PAM: variants seen among roughly 807,000 people sequenced by gnomAD.
PAM encodes the protein peptidyl-glycine alpha-amidating monooxygenase.
In PAM, 72 loss-of-function variants were observed where a neutral mutation model predicts 122.1. The observed-to-expected ratio is 0.59, with a 90% CI of 0.49 to 0.72. The LOEUF is 0.72. Ranked by LOEUF, PAM falls within the 30% of genes least tolerant of loss-of-function variation. The probability of loss-of-function intolerance (pLI) is 0.00; values close to 1 mark genes in which losing one functional copy is unlikely to be tolerated. For missense variants in PAM, 1,106 were observed against 1,183.7 expected, an observed-to-expected ratio of 0.93 and a Z score of 0.96; for synonymous variants, 389 against 404.4, an observed-to-expected ratio of 0.96 and a Z score of 0.46.
At chr5:102,875,919 T>G (rs1789032688) in intron 3 of PAM, among the ~76,000 whole-genome samples, 1 of 152,258 alleles carries the variant, frequency 6.6e-6, no homozygotes, top group Non-Finnish European at 1.5e-5. Flanking sequence ...TGGCATCTCA[T>G]GAACAATGTC....
In PAM at chr5:102,779,918, T is replaced by TATATATATATACAC. The variant is rs147065045; in HGVS notation, c.-374+24571_-374+24572insTATATATATACACA. 2.7e-3 allele frequency among the ~76,000 whole-genome samples: 262 copies of TATATATATATACAC among 95,598 alleles called. 3 individuals carry two copies. Among genetic ancestry groups the TATATATATATACAC allele is most frequent in the African/African-American group, 9.8e-3 (215 of 22,024 alleles). 62.7% of individuals were successfully genotyped at this position (95,598 alleles called of 152,430 possible). On this transcript the variant is annotated intron_variant, in intron 1 of 25. Transcript: ENST00000438793. Reference sequence around the variant, plus strand: ...ATATATATATATATATATATATATATACACACATATATATATGTATATATC... The same window carrying TATATATATATACAC: ...ATATATATATATATATATATATATATATATATATATACACACACACATATATATATGTATATATC...
rs531992482 is a variant in PAM, at chr5:102,817,203, A to G, written c.-373-48620A>G. Among the ~76,000 whole-genome samples, 13 of 152,248 alleles carry G rather than the reference A, an allele frequency of 8.5e-5. No individual in the cohort carries two copies. The East Asian group carries it at 1.5e-3, about 18-fold the overall frequency. ...CTGTTAGTAGTTACTTAGTTGTACC[A>G]CAATTTATTAACTAATCCCTTGTAG... On this transcript the variant is annotated intron_variant, in intron 1 of 25. Coordinates refer to ENST00000438793, the MANE Select transcript of PAM (RefSeq NM_001177306.2).
chr5:102,964,351 C>T (rs1296449721), intron 14 of PAM, among the ~76,000 whole-genome samples: 1 of 151,934 alleles, frequency 6.6e-6, no homozygotes, highest in Admixed American at 6.6e-5. Context: ...CACAAACACA[C>T]TAACCTTTCA....
chr5:102,946,853 T>C lies in PAM; in HGVS notation c.543T>C (p.Cys181=). ...TGTTTTCAGATAATAACAAGGACTGTTCTGGTGTGTCCTTACACCTCACAC... is the reference window on the plus strand; with the variant it reads ...TGTTTTCAGATAATAACAAGGACTGCTCTGGTGTGTCCTTACACCTCACAC... The part of the protein sequence containing the change: ...ISAFRDNNKD[C]SGVSLHLTRL... The change falls in exon 8 of 26, where the codon TGT becomes TGC. Residue 181 remains cysteine, a synonymous_variant. Transcript: ENST00000438793. The C allele has an allele frequency of 6.3e-7, 1 of 1,599,626 alleles. No individual in the cohort carries two copies. The highest frequency in any genetic ancestry group is 8.6e-7 in the Non-Finnish European group (1 of 1,167,676).
chr5:102,940,514 A>ATC (rs1754842115), intron 7 of PAM, among the ~76,000 whole-genome samples: 1 of 149,552 alleles, frequency 6.7e-6, no homozygotes, highest in Non-Finnish European at 1.5e-5. Context: ...ATATATATAT[A>ATC]TATCAGAGGT....
intron 7 of PAM, among the ~76,000 whole-genome samples, chr5:102,930,709 C>T (rs1219840772): frequency 6.6e-6 from 1 of 152,132 alleles, no homozygotes; most frequent in Non-Finnish European, 1.5e-5. Context: ...GCCGCTCAGT[C>T]TTGGGCTTGA....
At chr5:102,934,064 A>C (rs996717399) in intron 7 of PAM, among the ~76,000 whole-genome samples, 1 of 152,086 alleles carries the variant, frequency 6.6e-6, no homozygotes, top group Non-Finnish European at 1.5e-5. Context: ...AGTGCACAAT[A>C]CTATGGGCCA....
At chr5:102,767,254 G>C (rs1754376455) in intron 1 of PAM, among the ~76,000 whole-genome samples, 1 of 151,520 alleles carries the variant, frequency 6.6e-6, no homozygotes, top group Non-Finnish European at 1.5e-5. Flanking sequence ...GCTGTTTTTT[G>C]ATAGTGCAGA....
At chr5:102,956,896 C>T (rs1235974159) in intron 12 of PAM, among the ~76,000 whole-genome samples, 1 of 151,822 alleles carries the variant, frequency 6.6e-6, no homozygotes. Flanking sequence ...AAAAACAAAT[C>T]CTTCCAAATA....
intron 7 of PAM, among the ~76,000 whole-genome samples, chr5:102,927,440 C>A (rs1749969859): frequency 6.6e-6 from 1 of 152,144 alleles, no homozygotes; most frequent in Non-Finnish European, 1.5e-5. Flanking sequence ...CTATGTCTTG[C>A]TGACTTATAT....
intron 7 of PAM, among the ~76,000 whole-genome samples, chr5:102,929,738 T>C (rs751571940): frequency 6.6e-6 from 1 of 152,166 alleles, no homozygotes; most frequent in African/African-American, 2.4e-5. Context: ...TGAGAGAGTA[T>C]AACCTGAAGC....
chr5:102,766,925 G>GTTTTTTTTTTTTTTTTTT (rs1561386850), intron 1 of PAM, among the ~76,000 whole-genome samples: 1 of 36,572 alleles, frequency 2.7e-5, no homozygotes, highest in Non-Finnish European at 5.2e-5. Context: ...TTCAGTTGTG[G>GTTTTTTTTTTTTTTTTTT]ATTTTTTTTT....
At chr5:102,932,801 T>C (rs1752033912) in intron 7 of PAM, among the ~76,000 whole-genome samples, 1 of 152,114 alleles carries the variant, frequency 6.6e-6, no homozygotes, top group Non-Finnish European at 1.5e-5. Flanking sequence ...CTCCCTTTTC[T>C]TCATAACTTT....
intron 14 of PAM, among the ~76,000 whole-genome samples, chr5:102,971,702 G>A (rs1428720004): frequency 1.3e-5 from 2 of 152,052 alleles, no homozygotes; most frequent in Non-Finnish European, 2.9e-5. Flanking sequence ...GATGACACAG[G>A]GGTCAGGACC....
Position 102,918,001 on chromosome 5 carries a change from T to C in PAM, c.356+3980T>C, listed in dbSNP as rs563028853. Among the ~76,000 whole-genome samples the C allele has an allele frequency of 2.0e-5, 3 of 152,336 alleles. No individual in the cohort carries two copies. The South Asian group carries it at 6.2e-4, about 32-fold the overall frequency. On this transcript the variant is annotated intron_variant, in intron 5 of 25. Coordinates refer to ENST00000438793, the MANE Select transcript of PAM (RefSeq NM_001177306.2). ...TTGGCAATGTGTCTAGTTAATTATATGCATGTGCATTTAAATTGCATACGT... is the reference window on the plus strand; with the variant it reads ...TTGGCAATGTGTCTAGTTAATTATACGCATGTGCATTTAAATTGCATACGT...
intron 3 of PAM, among the ~76,000 whole-genome samples, chr5:102,900,600 A>G (rs1797541844): frequency 6.6e-6 from 1 of 151,548 alleles, no homozygotes; most frequent in Non-Finnish European, 1.5e-5. Flanking sequence ...TGCAGTAATA[A>G]TCCAGGAAGC....
At chr5:103,023,778 T>C (rs982610989) in intron 23 of PAM, among the ~76,000 whole-genome samples, 4 of 152,078 alleles carry the variant, frequency 2.6e-5, no homozygotes, top group Non-Finnish European at 4.4e-5. Context: ...ACTCATGAGC[T>C]TGGTGTGATG....
At chr5:102,943,397 C>A (rs1755935284) in intron 7 of PAM, among the ~76,000 whole-genome samples, 1 of 152,126 alleles carries the variant, frequency 6.6e-6, no homozygotes, top group Admixed American at 6.5e-5. Flanking sequence ...AACCTCATAT[C>A]CCATGCATTC....
rs1011063810 is a variant in PAM at position 102,769,427 on chromosome 5, C to G, written c.-374+14079C>G. ...GGGTATTACTCAAGAAATCTTTGCC[C>G]ATACCCATGTCCTGGAGTGTTTTCC... is the stretch of plus-strand genomic sequence containing the variant. On this transcript the variant is annotated intron_variant, in intron 1 of 25. Transcript: ENST00000438793. Among the ~76,000 whole-genome samples the G allele has an allele frequency of 2.0e-4, 30 of 152,070 alleles. 1 individual carries two copies. The highest frequency in any genetic ancestry group is 7.2e-5 in the African/African-American group (3 of 41,410).
Sources: gnomAD v4.1 joint callset for allele counts (sites outside exome capture counted in the v4.1 genomes callset) on GRCh38, gnomAD v4.1.1 for gene constraint, MANE v1.5 for transcripts, NCBI Gene and HGNC (gene_info 2026-07-23, HGNC 2026-07-21) for gene names.